HSPH1: variants seen among roughly 807,000 people sequenced by gnomAD.
The protein encoded by HSPH1 is heat shock protein family H (Hsp110) member 1.
Under a neutral mutation model 100.0 loss-of-function variants are expected in HSPH1, and 40 were observed. The ratio of observed to expected loss-of-function variants is 0.40; its 90% CI spans 0.31 to 0.52. The LOEUF is 0.52. Ranked by LOEUF, HSPH1 falls within the 20% of genes least tolerant of loss-of-function variation. The probability of loss-of-function intolerance (pLI) is 0.54; values close to 1 mark genes in which losing one functional copy is unlikely to be tolerated. For missense variants in HSPH1, 876 were observed against 1,015.1 expected (o/e 0.86, Z 1.86); for synonymous variants, 403 against 344.0 (o/e 1.17, Z -1.90).
rs894948530 is a variant in HSPH1 at position 31,151,073 on chromosome 13, C to T, written c.782G>A (p.Arg261Gln). 1.2e-6 allele frequency: 2 copies of T among 1,613,618 alleles called. No individual in the cohort carries two copies. Among genetic ancestry groups the T allele is most frequent in the African/African-American group, 1.3e-5 (1 of 74,900 alleles). ...TTCCTGATACAGACGTAGGAGTGCT[C>T]GTATTTTGGATTTTGCATCCAACTT... Reference protein sequence around the residue: ...KYKLDAKSKIRALLRLYQECE... With the variant: ...KYKLDAKSKIQALLRLYQECE... The change falls in exon 7 of 18, where the codon CGA becomes CAA. Residue 261 changes from arginine (R) to glutamine (Q), a missense_variant. Transcript: ENST00000320027.
intron 12 of HSPH1, among the ~76,000 whole-genome samples, chr13:31,141,945 T>C (rs1565997680): frequency 6.6e-6 from 1 of 152,052 alleles, no homozygotes; most frequent in Non-Finnish European, 1.5e-5. Flanking sequence ...ATCATTTATG[T>C]AGGTTTTTCA....
chr13:31,150,898 A>G, intron 7 of HSPH1, 49 bp downstream of exon 7: 2 of 1,554,192 alleles, frequency 1.3e-6, no homozygotes, highest in South Asian at 2.5e-5. Flanking sequence ...CCTGGGCTAC[A>G]GTTTCAAAAG....
chr13:31,147,868 CTAAGAA>C (rs1222703604), intron 10 of HSPH1, 85 bp downstream of exon 10: 26 of 1,112,144 alleles, frequency 2.3e-5, no homozygotes, highest in East Asian at 1.6e-4. Flanking sequence ...CTCAACATTA[CTAAGAA>C]TAAGACAACT....
chr13:31,151,210 C>A lies in HSPH1; in HGVS notation c.664-19G>T. The A allele has an allele frequency of 6.4e-7, 1 of 1,574,672 alleles. No homozygotes were observed. The highest frequency in any genetic ancestry group is 1.2e-5 in the South Asian group (1 of 85,412). On this transcript the variant is annotated intron_variant, in intron 6 of 17. Coordinates refer to ENST00000320027, the MANE Select transcript of HSPH1 (RefSeq NM_006644.4). The stretch of plus-strand genomic sequence containing the variant: ...CCAGTACCTAATTTGGTTGAAACAA[C>A]AAATAGTCTGGTTATTTTCAATCAC...
intron 3 of HSPH1, among the ~76,000 whole-genome samples, chr13:31,155,142 G>A (rs1956637123): frequency 6.6e-6 from 1 of 152,048 alleles, no homozygotes; most frequent in Non-Finnish European, 1.5e-5. Flanking sequence ...ACCTCTGCAA[G>A]TTTAAAAAAA....
chr13:31,148,633 CAAAG>C, intron 8 of HSPH1, among the ~76,000 whole-genome samples, 153 bp from the exon 9 acceptor site: 1 of 140,072 alleles, frequency 7.1e-6, no homozygotes, highest in African/African-American at 2.6e-5. Flanking sequence ...TTCATCTAAA[CAAAG>C]AATTTATTTT....
intron 1 of HSPH1, among the ~76,000 whole-genome samples, chr13:31,159,625 T>C (rs1566018852): frequency 6.6e-6 from 1 of 152,190 alleles, no homozygotes; most frequent in Non-Finnish European, 1.5e-5. Context: ...AATTAGGTTT[T>C]GGATTAGAGG....
At chr13:31,160,732 G>A (rs1291796251) in intron 1 of HSPH1, among the ~76,000 whole-genome samples, 1 of 152,008 alleles carries the variant, frequency 6.6e-6, no homozygotes, top group Non-Finnish European at 1.5e-5. Context: ...AATAAACTGT[G>A]CAAAATTAAT....
In HSPH1 at chr13:31,135,081, T is replaced by C. The variant is rs1955852139; in HGVS notation, c.*2237A>G. On this transcript the variant is annotated 3_prime_UTR_variant, in exon 18 of 18. Transcript: ENST00000320027. The stretch of plus-strand genomic sequence containing the variant: ...CATTTATTCAAACTGGTGCATATCT[T>C]TGAGATCCTCGATGATTACTAGGTA... 1 of 152,238 alleles carries C rather than the reference T, an allele frequency of 6.6e-6. No homozygotes were observed. The allele number at this position is 152,238 out of a possible 1,614,324, so 9.4% of individuals were successfully genotyped here.
chr13:31,153,730 TGAGA>T (rs1208606394), intron 4 of HSPH1, among the ~76,000 whole-genome samples: 2 of 151,776 alleles, frequency 1.3e-5, no homozygotes, highest in Non-Finnish European at 2.9e-5. Context: ...TGTAGATGCT[TGAGA>T]GAGAGACATG....
chr13:31,140,401 A>G (rs7491727), intron 13 of HSPH1, 92 bp from the exon 14 acceptor site: 25 of 1,259,156 alleles, frequency 2.0e-5, no homozygotes, highest in Non-Finnish European at 2.5e-5. Flanking sequence ...AAAAAATGAT[A>G]CAAAACAAAT....
intron 13 of HSPH1, 114 bp from the exon 14 acceptor site, chr13:31,140,423 C>T (rs1956047620): frequency 2.2e-6 from 2 of 918,994 alleles, no homozygotes; most frequent in East Asian, 2.6e-5. Context: ...TTAGTGTTAA[C>T]ACAGTTCCAA....
upstream of HSPH1, chr13:31,162,376 C>G (rs187492703): frequency 8.2e-4 from 428 of 524,648 alleles, 2 homozygotes; most frequent in Middle Eastern, 0.016. Flanking sequence ...CGTAGTCCCG[C>G]TGGGAGAAGT....
Position 31,138,342 on chromosome 13 carries a change from T to G in HSPH1, c.2370+65A>C, listed in dbSNP as rs548521594. ...ACAGGAAAAATGGCTATGTTGAAGGTTCAAATGATTGCAACTTGAGTCCGT... is the reference window on the plus strand; with the variant it reads ...ACAGGAAAAATGGCTATGTTGAAGGGTCAAATGATTGCAACTTGAGTCCGT... On this transcript the variant is annotated intron_variant, in intron 17 of 17. Coordinates refer to ENST00000320027, the MANE Select transcript of HSPH1 (RefSeq NM_006644.4). The G allele has an allele frequency of 7.5e-5, 111 of 1,482,456 alleles. 2 individuals are homozygous for G. The South Asian group carries it at 1.3e-3, about 17-fold the overall frequency. The allele number at this position is 1,482,456 out of a possible 1,614,324, so 91.8% of individuals were successfully genotyped here. A position where few individuals can be genotyped will look rare whatever the true frequency, so the allele number is the denominator to read the frequency against.
At chr13:31,160,344 T>C (rs1956852544) in intron 1 of HSPH1, among the ~76,000 whole-genome samples, 1 of 152,354 alleles carries the variant, frequency 6.6e-6, no homozygotes, top group Non-Finnish European at 1.5e-5. Context: ...GTTACTAACA[T>C]TGCCAAATAT....
At chr13:31,160,929 C>G (rs1258894063) in intron 1 of HSPH1, among the ~76,000 whole-genome samples, 1 of 152,244 alleles carries the variant, frequency 6.6e-6, no homozygotes, top group African/African-American at 2.4e-5. Context: ...CGCCTGCTCA[C>G]TGGACAAGCA....
chr13:31,162,319 G>T (rs537808593), upstream of HSPH1: 31 of 585,416 alleles, frequency 5.3e-5, no homozygotes, highest in East Asian at 8.2e-4. Flanking sequence ...CCCAGACACC[G>T]GGATGGTGGG....
Position 31,150,188 on chromosome 13 carries a change from CAAATA to C in HSPH1, c.909-11_909-7del. On this transcript the variant is annotated splice_region_variant and splice_polypyrimidine_tract_variant and intron_variant, in intron 7 of 17. Coordinates refer to ENST00000320027, the MANE Select transcript of HSPH1 (RefSeq NM_006644.4). ...AGAGTTCTTCAAATTGTGACCTTAG[CAAATA>C]AAAACTTGTTTTTAGAAAAGTTAAG... 6.4e-7 allele frequency: 1 copy of C among 1,550,676 alleles called. No individual in the cohort carries two copies. Among genetic ancestry groups the C allele is most frequent in the Non-Finnish European group, 8.7e-7 (1 of 1,146,080 alleles).
intron 8 of HSPH1, among the ~76,000 whole-genome samples, chr13:31,149,735 T>C (rs1956412910): frequency 6.6e-6 from 1 of 152,322 alleles, no homozygotes; most frequent in East Asian, 1.9e-4. Flanking sequence ...CTGTTTTTGA[T>C]TTCCAGCTTG....
Sources: gnomAD v4.1 joint callset for allele counts (sites outside exome capture counted in the v4.1 genomes callset) on GRCh38, gnomAD v4.1.1 for gene constraint, MANE v1.5 for transcripts, NCBI Gene and HGNC (gene_info 2026-07-23, HGNC 2026-07-21) for gene names.